PWWP2A: variants seen among roughly 807,000 people sequenced by gnomAD.
The protein encoded by PWWP2A is PWWP domain containing 2A.
PWWP2A carries 18 observed loss-of-function variants against 48.5 expected under a neutral mutation model. That is an observed-to-expected ratio of 0.37 (90% CI 0.26 to 0.55). The LOEUF is 0.55. PWWP2A is among the 20% of genes least tolerant of loss of function. The probability of loss-of-function intolerance (pLI) is 0.81; values close to 1 mark genes in which losing one functional copy is unlikely to be tolerated. For missense variants in PWWP2A, 867 were observed against 976.4 expected (o/e 0.89, Z 1.49); for synonymous variants, 396 against 387.7 (o/e 1.02, Z -0.25).
downstream of PWWP2A, among the ~76,000 whole-genome samples, chr5:160,057,101 G>A (rs577250395): frequency 6.6e-6 from 1 of 152,264 alleles, no homozygotes; most frequent in South Asian, 2.1e-4. The surrounding 1 kb of genome is among the most constrained non-coding windows in gnomAD (Gnocchi z 4.4). Flanking sequence ...GTTGTGGTTG[G>A]TTGTTCCCTC....
chr5:160,105,240 A>C (rs1220979550), intron 1 of PWWP2A, among the ~76,000 whole-genome samples: 2 of 26,376 alleles, frequency 7.6e-5, no homozygotes, highest in Admixed American at 3.2e-4. Flanking sequence ...TCTCTAAGGC[A>C]AAAAAAAAAA....
intron 1 of PWWP2A, among the ~76,000 whole-genome samples, chr5:160,097,920 G>A (rs1755859912): frequency 6.6e-6 from 1 of 151,932 alleles, no homozygotes; most frequent in Non-Finnish European, 1.5e-5. Flanking sequence ...CATTATGTTG[G>A]CCAAGCTGGT....
At chr5:160,086,094 C>T (rs1460709424) in intron 2 of PWWP2A, among the ~76,000 whole-genome samples, 5 of 152,244 alleles carry the variant, frequency 3.3e-5, no homozygotes, top group Admixed American at 6.5e-5. Context: ...GCTGGGATTA[C>T]AGAAGTGGGC....
At chr5:160,107,707 T>C (rs760579154) in intron 1 of PWWP2A, among the ~76,000 whole-genome samples, 22 of 152,128 alleles carry the variant, frequency 1.4e-4, no homozygotes, top group Non-Finnish European at 2.1e-4. Flanking sequence ...CAGTAAGAGG[T>C]TGAAAACCTC....
intron 1 of PWWP2A, among the ~76,000 whole-genome samples, chr5:160,101,123 G>A (rs758229960): frequency 6.6e-6 from 1 of 152,212 alleles, no homozygotes; most frequent in Non-Finnish European, 1.5e-5. Context: ...GCCTGAAGCA[G>A]GCAGACTGCT....
chr5:160,097,717 G>T lies in PWWP2A; in HGVS notation c.585-3652C>A, dbSNP rs1446234098. Among the ~76,000 whole-genome samples, 8 of 142,818 alleles carry T rather than the reference G, an allele frequency of 5.6e-5. 1 individual carries two copies. Among genetic ancestry groups the T allele is most frequent in the Non-Finnish European group, 1.1e-4 (7 of 65,192 alleles). 93.7% of individuals were successfully genotyped at this position (142,818 alleles called of 152,430 possible). A position where few individuals can be genotyped will look rare whatever the true frequency, so the allele number is the denominator to read the frequency against. On this transcript the variant is annotated intron_variant, in intron 1 of 1. Transcript: ENST00000307063. Reference sequence around the variant, plus strand: ...AGAGGTTTTTTTTTTGGGGGGGGGGGCGGTTGTTTTGTTTTTTTGAGACAG... The same window carrying T: ...AGAGGTTTTTTTTTTGGGGGGGGGGTCGGTTGTTTTGTTTTTTTGAGACAG...
intron 1 of PWWP2A, among the ~76,000 whole-genome samples, chr5:160,094,322 G>C (rs1453562724): frequency 6.6e-6 from 1 of 152,172 alleles, no homozygotes; most frequent in Admixed American, 6.5e-5. Context: ...ACTTAAAGTA[G>C]ATATTTCCAG....
chr5:160,108,665 G>A (rs1189749723), intron 1 of PWWP2A: 29 of 1,035,158 alleles, frequency 2.8e-5, no homozygotes, highest in Non-Finnish European at 3.4e-5. Context: ...CAAAAAACAC[G>A]TAAATTTTCT....
the PWWP2A span, among the ~76,000 whole-genome samples, chr5:160,052,927 T>TA: frequency 1.3e-5 from 2 of 152,228 alleles, no homozygotes; most frequent in Non-Finnish European, 2.9e-5. Flanking sequence ...GCTTTGTAAA[T>TA]AATATGTGTT....
At position 160,092,275 on chromosome 5, in the gene PWWP2A, C is replaced by T. The variant is rs1755161546; in HGVS notation, c.*107G>A. 1 of 1,432,402 alleles carries T rather than the reference C, an allele frequency of 7.0e-7. No individual in the cohort carries two copies. The highest frequency in any genetic ancestry group is 2.9e-5 in the Admixed American group (1 of 34,766). 88.7% of individuals were successfully genotyped at this position (1,432,402 alleles called of 1,614,324 possible). A position where few individuals can be genotyped will look rare whatever the true frequency, so the allele number is the denominator to read the frequency against. ...TATTAAAAAGCCAGCCAACTGAGTG[C>T]AACTTCTCTCTCCAATCTGGCCACG... On this transcript the variant is annotated 3_prime_UTR_variant, in exon 2 of 2. Coordinates refer to ENST00000307063, the MANE Select transcript of PWWP2A (RefSeq NM_001130864.2).
chr5:160,092,880 A>G lies in PWWP2A; in HGVS notation c.1770T>C (p.Asp590=). The G allele has an allele frequency of 6.4e-7, 1 of 1,551,738 alleles. No homozygotes were observed. Among genetic ancestry groups the G allele is most frequent in the Non-Finnish European group, 8.7e-7 (1 of 1,146,982 alleles). ...ASVCSIDSTD[D]LKSSNSECSS... ...TACACTCAGAGTTGGAAGATTTCAA[A>G]TCATCTGTGCTATCAATGCTACACA... is the stretch of plus-strand genomic sequence containing the variant. Residue 590 remains aspartate, a synonymous_variant, in exon 2 of 2, where the codon GAT becomes GAC. Coordinates refer to ENST00000307063, the MANE Select transcript of PWWP2A (RefSeq NM_001130864.2).
intron 1 of PWWP2A, among the ~76,000 whole-genome samples, chr5:160,117,302 A>G (rs1283063975): frequency 1.3e-5 from 2 of 152,150 alleles, no homozygotes; most frequent in African/African-American, 4.8e-5. Flanking sequence ...TCTATTAAAT[A>G]AGTAAACAAA....
intron 1 of PWWP2A, among the ~76,000 whole-genome samples, chr5:160,111,519 A>C (rs1032867202): frequency 1.3e-5 from 2 of 151,650 alleles, no homozygotes; most frequent in African/African-American, 4.8e-5. Flanking sequence ...TTCTAGTCCC[A>C]GGTACATGGG....
At chr5:160,068,603 AAAT>A (rs543933688) in intron 2 of PWWP2A, among the ~76,000 whole-genome samples, 21 of 152,306 alleles carry the variant, frequency 1.4e-4, no homozygotes, top group African/African-American at 4.8e-4. Flanking sequence ...TGTCTCAAAA[AAAT>A]AATAATTTTT....
chr5:160,092,935 T>G lies in PWWP2A; in HGVS notation c.1715A>C (p.Gln572Pro). Residue 572 changes from glutamine to proline, a missense_variant, in exon 2 of 2, where the codon CAA becomes CCA. Transcript: ENST00000307063. ...AGCACTGGAAGAGTCAGATTTCTTT[T>G]GATTTAGGGTCATATAAACAGAGAT... ...NNISVYMTLN[Q>P]KKSDSSSASV... 6.4e-7 allele frequency: 1 copy of G among 1,551,752 alleles called. No homozygotes were observed. The highest frequency in any genetic ancestry group is 8.7e-7 in the Non-Finnish European group (1 of 1,147,006).
At chr5:160,070,926 G>A (rs112670168), downstream of PWWP2A, among the ~76,000 whole-genome samples, 1,504 of 152,314 alleles carry the variant, frequency 9.9e-3, 24 homozygotes, top group African/African-American at 0.034. Flanking sequence ...CGTGGCTCAC[G>A]CCTGTAATCC....
chr5:160,051,570 A>G, the PWWP2A span, among the ~76,000 whole-genome samples: 4 of 152,240 alleles, frequency 2.6e-5, no homozygotes, highest in African/African-American at 9.6e-5. Context: ...GGATGCAGTC[A>G]AGATCATGAG....
chr5:160,109,774 A>ATATAT (rs1284977515), intron 1 of PWWP2A, among the ~76,000 whole-genome samples: 16 of 25,222 alleles, frequency 6.3e-4, no homozygotes, highest in Admixed American at 2.7e-3. Flanking sequence ...AAAAAAAAAA[A>ATATAT]ATATATATAT....
chr5:160,073,190 C>T (rs1173215130), downstream of PWWP2A, among the ~76,000 whole-genome samples: 1 of 151,518 alleles, frequency 6.6e-6, no homozygotes, highest in African/African-American at 2.4e-5. Flanking sequence ...TGTCTCCTAC[C>T]TCTTTAGACT....
Sources: gnomAD v4.1 joint callset for allele counts (sites outside exome capture counted in the v4.1 genomes callset) on GRCh38, gnomAD v4.1.1 for gene constraint, Gnocchi (gnomAD v3.1) non-coding constraint, MANE v1.5 for transcripts, NCBI Gene and HGNC (gene_info 2026-07-23, HGNC 2026-07-21) for gene names.